Variants in MMP12 observed in about 807,000 individuals in gnomAD.
MMP12 encodes the protein matrix metallopeptidase 12.
MMP12 carries 51 observed loss-of-function variants against 45.2 expected under a neutral mutation model. That is an observed-to-expected ratio of 1.13 (90% CI 0.90 to 1.42). MMP12 has a LOEUF of 1.42. Ranked by LOEUF, MMP12 falls within the 40% of genes most tolerant of loss-of-function variation. The pLI, the probability that MMP12 is intolerant of heterozygous loss-of-function variation, is 0.00. For missense variants in MMP12, 530 were observed against 570.8 expected (o/e 0.93, Z 0.73); for synonymous variants, 210 against 193.3 (o/e 1.09, Z -0.72).
chr11:102,872,323 C>A (rs1196371075), intron 2 of MMP12, among the ~76,000 whole-genome samples: 1 of 151,872 alleles, frequency 6.6e-6, no homozygotes, highest in Admixed American at 6.6e-5. Flanking sequence ...TAGCTTCATT[C>A]TCCTTTTATT....
At chr11:102,864,993 C>G (rs1859360311) in intron 8 of MMP12, among the ~76,000 whole-genome samples, 1 of 152,190 alleles carries the variant, frequency 6.6e-6, no homozygotes, top group Non-Finnish European at 1.5e-5. Context: ...CTACAGCAAA[C>G]TACACCCATT....
rs1480985394 is a variant in MMP12 at position 102,873,072 on chromosome 11, A to T, written c.143T>A (p.Leu48His). The T allele has an allele frequency of 6.2e-7, 1 of 1,613,032 alleles. No homozygotes were observed. The highest frequency in any genetic ancestry group is 2.2e-5 in the East Asian group (1 of 44,872). ...EKFYGLEINK[L>H]PVTKMKYSGN... ...ACTATATTTCATTTTTGTCACTGGA[A>T]GTTTGTTTATCTCAAGGCCATAAAA... The change falls in exon 2 of 10, where the codon CTT (leucine) becomes CAT (histidine). Residue 48 changes from leucine to histidine, a missense_variant. Coordinates refer to ENST00000571244, the MANE Select transcript of MMP12 (RefSeq NM_002426.6).
At chr11:102,863,286 A>G in intron 9 of MMP12, 86 bp from the exon 10 acceptor site, 4 of 781,852 alleles carry the variant, frequency 5.1e-6, no homozygotes, top group Non-Finnish European at 8.4e-6. Context: ...CTTCTCATAG[A>G]TTATCTAGAA....
intron 4 of MMP12, 93 bp downstream of exon 4, chr11:102,871,501 T>A: frequency 6.8e-7 from 1 of 1,465,926 alleles, no homozygotes. Context: ...ATGTAGTCTC[T>A]CGAAACCAGA....
rs1859410677 is a variant in MMP12 at position 102,867,381 on chromosome 11, T to C, written c.800A>G (p.Glu267Gly). The C allele has an allele frequency of 6.2e-7, 1 of 1,606,164 alleles. No individual in the cohort carries two copies. The highest frequency in any genetic ancestry group is 1.3e-5 in the African/African-American group (1 of 74,588). The change falls in exon 6 of 10, where the codon GAG becomes GGG. Residue 267 changes from glutamate (E) to glycine (G), a missense_variant. By Grantham distance (98) the Glu-to-Gly change is moderately conservative. Transcript: ENST00000571244. ...GIQSLYGDPK[E>G]NQRLPNPDNS... ...GTCAGGATTTGGCAAGCGTTGGTTC[T>C]CTTTTGGGTCTCCTGAAAATACATT...
intron 4 of MMP12, among the ~76,000 whole-genome samples, chr11:102,868,840 A>G (rs914878031): frequency 2.0e-5 from 3 of 152,222 alleles, no homozygotes; most frequent in Non-Finnish European, 4.4e-5. Context: ...GAAAAAATAA[A>G]TAATTCTTAA....
At chr11:102,872,814 T>G (rs1185573018) in intron 2 of MMP12, 51 bp downstream of exon 2, 3 of 1,595,136 alleles carry the variant, frequency 1.9e-6, no homozygotes, top group East Asian at 4.5e-5. Context: ...AGGTTAGAAG[T>G]CAGACCTATG....
chr11:102,865,866 C>T lies in MMP12; in HGVS notation c.1115G>A (p.Gly372Asp), dbSNP rs1555008441. The T allele has an allele frequency of 6.2e-7, 1 of 1,612,910 alleles. No homozygotes were observed. The highest frequency in any genetic ancestry group is 1.1e-5 in the South Asian group (1 of 90,996). Residue 372 changes from glycine to aspartate, a missense_variant, in exon 8 of 10, where the codon GGT becomes GAT. Gly to Asp is a moderately conservative substitution (Grantham distance 94). Transcript: ENST00000571244. The surrounding 1 kb of genome is among the most constrained non-coding windows in gnomAD (Gnocchi z 4.1). ...AATTTTTTTCACAAAGTTAGGAAAACCAAAAGAATGTATGCTCTTGGGATA... is the reference window on the plus strand; with the variant it reads ...AATTTTTTTCACAAAGTTAGGAAAATCAAAAGAATGTATGCTCTTGGGATA... ...PNYPKSIHSF[G>D]FPNFVKKIDA...
At chr11:102,866,024 T>G in intron 7 of MMP12, 89 bp from the exon 8 acceptor site, 1 of 1,052,028 alleles carries the variant, frequency 9.5e-7, no homozygotes, top group South Asian at 1.8e-5. Flanking sequence ...ATAATTCCTT[T>G]CCAACAGTTA....
Position 102,864,145 on chromosome 11 carries a change from C to G in MMP12, c.1312+1G>C, listed in dbSNP as rs782771442. ...TCTTCATGGTTTCCTCATCTACTTACTGTTTTTAGAGTAGAAGACTGCATC... is the reference window on the plus strand; with the variant it reads ...TCTTCATGGTTTCCTCATCTACTTAGTGTTTTTAGAGTAGAAGACTGCATC... On this transcript the variant is annotated splice_donor_variant, in intron 9 of 9. Transcript: ENST00000571244. LOFTEE classifies it high-confidence loss of function. 6.3e-7 allele frequency: 1 copy of G among 1,583,116 alleles called. No individual in the cohort carries two copies. The highest frequency in any genetic ancestry group is 1.3e-5 in the African/African-American group (1 of 74,254).
In MMP12 at chr11:102,867,415, C is replaced by G. The variant is rs376165111; in HGVS notation, c.788-22G>C. The G allele has an allele frequency of 2.5e-6, 4 of 1,588,810 alleles. No homozygotes were observed. In the East Asian group the frequency reaches 9.0e-5, roughly 36 times the overall value. ...TCTCCTGAAAATACATTTCGAGAAG[C>G]ATTAGTAAACAAAATCTGCATTGTA... On this transcript the variant is annotated intron_variant, in intron 5 of 9. Coordinates refer to ENST00000571244, the MANE Select transcript of MMP12 (RefSeq NM_002426.6).
chr11:102,869,032 G>A (rs1555009024), intron 4 of MMP12, among the ~76,000 whole-genome samples: 1 of 152,086 alleles, frequency 6.6e-6, no homozygotes, highest in Non-Finnish European at 1.5e-5. Flanking sequence ...TTATGTCCTA[G>A]AGAATGCACC....
At chr11:102,871,231 A>C (rs1275878356) in intron 4 of MMP12, among the ~76,000 whole-genome samples, 1 of 151,194 alleles carries the variant, frequency 6.6e-6, no homozygotes, top group Non-Finnish European at 1.5e-5. Context: ...CCTTGTCTCA[A>C]AAAAAAAAAC....
intron 8 of MMP12, 76 bp from the exon 9 acceptor site, chr11:102,864,328 T>G: frequency 2.2e-6 from 2 of 926,036 alleles, no homozygotes; most frequent in South Asian, 1.4e-5. Flanking sequence ...CCACCTTCTC[T>G]ACTGAAGAGC....
At position 102,866,589 on chromosome 11, in the gene MMP12, A is replaced by G. The variant is rs937356428; in HGVS notation, c.912-141T>C. ...TCTGTTCCATGGATGTCTGATGTTC[A>G]TGGATCCACAAGAAAAGGATATCAA... On this transcript the variant is annotated intron_variant, in intron 6 of 9. Coordinates refer to ENST00000571244, the MANE Select transcript of MMP12 (RefSeq NM_002426.6). 3.6e-5 allele frequency: 30 copies of G among 844,282 alleles called. No individual in the cohort carries two copies. The Admixed American group carries it at 3.7e-4, about 10-fold the overall frequency. 52.3% of individuals were successfully genotyped at this position (844,282 alleles called of 1,614,324 possible).
chr11:102,864,752 T>C (rs1859356105), intron 8 of MMP12, among the ~76,000 whole-genome samples: 1 of 152,236 alleles, frequency 6.6e-6, no homozygotes, highest in Non-Finnish European at 1.5e-5. Context: ...GGTTTCTCTC[T>C]TAAATTCTCT....
intron 1 of MMP12, 133 bp from the exon 2 acceptor site, chr11:102,873,245 AT>A: frequency 2.5e-6 from 2 of 795,326 alleles, no homozygotes; most frequent in Non-Finnish European, 3.9e-6. Context: ...CACAGGTTAG[AT>A]TATTGTTTTT....
chr11:102,863,336 C>T, intron 9 of MMP12, 136 bp from the exon 10 acceptor site: 1 of 516,924 alleles, frequency 1.9e-6, no homozygotes, highest in Non-Finnish European at 3.3e-6. Flanking sequence ...CTTAACTACA[C>T]ACTTTGAGAG....
Position 102,867,419 on chromosome 11 carries a change from A to ATTTT in MMP12, c.788-27_788-26insAAAA. On this transcript the variant is annotated intron_variant, in intron 5 of 9. Transcript: ENST00000571244. Reference sequence around the variant, plus strand: ...CTGAAAATACATTTCGAGAAGCATTAGTAAACAAAATCTGCATTGTAGTTC... The same window carrying ATTTT: ...CTGAAAATACATTTCGAGAAGCATTATTTTGTAAACAAAATCTGCATTGTAGTTC... 1.9e-6 allele frequency: 3 copies of ATTTT among 1,589,170 alleles called. No homozygotes were observed. In the East Asian group the frequency reaches 6.7e-5, roughly 36 times the overall value.
Sources: allele counts gnomAD v4.1 joint callset (sites outside exome capture counted in the v4.1 genomes callset), GRCh38; gene constraint gnomAD v4.1.1; non-coding constraint Gnocchi (gnomAD v3.1); transcripts MANE v1.5; gene names NCBI Gene and HGNC (gene_info 2026-07-23, HGNC 2026-07-21).